The following PALS2 variants were observed in gnomAD, a reference collection of about 807,000 sequenced individuals.
PALS2 encodes the protein protein PALS2.
A neutral mutation model predicts 61.6 loss-of-function variants in PALS2; 27 were observed. That is an observed-to-expected ratio of 0.44 (90% CI 0.32 to 0.60). PALS2 has a LOEUF of 0.60. PALS2 is among the 20% of genes least tolerant of loss of function. PALS2 has a pLI of 0.05. For synonymous variants in PALS2, 236 were observed against 218.6 expected, an observed-to-expected ratio of 1.08 and a Z score of -0.70; for missense variants, 554 against 639.4, an observed-to-expected ratio of 0.87 and a Z score of 1.44.
chr7:24,605,598 C>T (rs1362519736), intron 1 of PALS2, among the ~76,000 whole-genome samples: 1 of 151,646 alleles, frequency 6.6e-6, no homozygotes, highest in Non-Finnish European at 1.5e-5. Flanking sequence ...TCTATAAAGA[C>T]ATAAAGAATA....
chr7:24,596,198 A>G lies in PALS2; in HGVS notation c.-3+22605A>G, dbSNP rs1783518239. Among the ~76,000 whole-genome samples, 1 of 152,086 alleles carries G rather than the reference A, an allele frequency of 6.6e-6. No homozygotes were observed. Among genetic ancestry groups the G allele is most frequent in the Admixed American group, 6.6e-5 (1 of 15,238 alleles). On this transcript the variant is annotated intron_variant, in intron 1 of 11. Coordinates refer to ENST00000222644, the MANE Select transcript of PALS2 (RefSeq NM_001303037.2). This position sits in a 1 kb window ranked among gnomAD's most constrained non-coding sequence, Gnocchi z 4.5. ...AGAATATTGTTGAGAACGAGAGTGA[A>G]GGTAAGGGAACTGGTCAAGTGACTA...
At chr7:24,595,761 G>C (rs1320421299) in intron 1 of PALS2, among the ~76,000 whole-genome samples, 1 of 150,834 alleles carries the variant, frequency 6.6e-6, no homozygotes, top group East Asian at 1.9e-4. Context: ...TGTATGTAAG[G>C]GTGGTAGCGT....
chr7:24,588,921 T>G (rs1478015423), intron 1 of PALS2, among the ~76,000 whole-genome samples: 1 of 152,204 alleles, frequency 6.6e-6, no homozygotes, highest in Non-Finnish European at 1.5e-5. Flanking sequence ...CCCACCTCCA[T>G]TTGATGTTGA....
intron 1 of PALS2, among the ~76,000 whole-genome samples, chr7:24,616,784 G>T (rs1256340797): frequency 6.6e-6 from 1 of 152,138 alleles, no homozygotes; most frequent in African/African-American, 2.4e-5. Context: ...GTGGTTCTCT[G>T]TAGTGATGTT....
At position 24,693,783 on chromosome 7, in the gene PALS2, T is replaced by A. The variant is rs985747847; in HGVS notation, c.*6169T>A. 1 of 152,206 alleles carries A rather than the reference T, an allele frequency of 6.6e-6. No homozygotes were observed. Among genetic ancestry groups the A allele is most frequent in the African/African-American group, 2.4e-5 (1 of 41,460 alleles). The allele number at this position is 152,206 out of a possible 1,614,324, so 9.4% of individuals were successfully genotyped here. A position where few individuals can be genotyped will look rare whatever the true frequency, so the allele number is the denominator to read the frequency against. ...TATGTTGGACTCTGTTGTAGAAGAA[T>A]GAGCACTAGTATTCAGCAACAAGTG... On this transcript the variant is annotated 3_prime_UTR_variant, in exon 12 of 12. Transcript: ENST00000222644.
At chr7:24,642,594 A>G (rs543768656) in intron 3 of PALS2, among the ~76,000 whole-genome samples, 39 of 152,308 alleles carry the variant, frequency 2.6e-4, no homozygotes, top group African/African-American at 7.2e-5. Flanking sequence ...GTGCTGGGAT[A>G]GAATAAAGTA....
At chr7:24,609,039 A>G (rs1053721402) in intron 1 of PALS2, among the ~76,000 whole-genome samples, 1 of 152,202 alleles carries the variant, frequency 6.6e-6, no homozygotes, top group Non-Finnish European at 1.5e-5. Context: ...ATCTCTCAGA[A>G]TGCTAACAAA....
Position 24,620,797 on chromosome 7 carries a change from A to G in PALS2, c.-2-2869A>G, listed in dbSNP as rs189713889. On this transcript the variant is annotated intron_variant, in intron 1 of 11. Coordinates refer to ENST00000222644, the MANE Select transcript of PALS2 (RefSeq NM_001303037.2). Reference sequence around the variant, plus strand: ...TGATCTTTGAGACATATACATTGAAATAGGATTTCTGGAATTTGCTTCAAA... The same window carrying G: ...TGATCTTTGAGACATATACATTGAAGTAGGATTTCTGGAATTTGCTTCAAA... Among the ~76,000 whole-genome samples, 81 of 152,268 alleles carry G rather than the reference A, an allele frequency of 5.3e-4. 1 individual carries two copies. The East Asian group carries it at 0.014, about 27-fold the overall frequency.
rs368766930 is a variant in PALS2, at chr7:24,688,414, C to G, written c.*800C>G. On this transcript the variant is annotated 3_prime_UTR_variant, in exon 12 of 12. Coordinates refer to ENST00000222644, the MANE Select transcript of PALS2 (RefSeq NM_001303037.2). ...GAGAGAGTGCCTTATCCTGTAAAACCTTACAGCAAAATGACACTTGAAGAA... is the reference window on the plus strand; with the variant it reads ...GAGAGAGTGCCTTATCCTGTAAAACGTTACAGCAAAATGACACTTGAAGAA... 1.3e-5 allele frequency: 2 copies of G among 152,138 alleles called. No homozygotes were observed. Among genetic ancestry groups the G allele is most frequent in the African/African-American group, 4.8e-5 (2 of 41,440 alleles). The allele number at this position is 152,138 out of a possible 1,614,324, so 9.4% of individuals were successfully genotyped here. A position where few individuals can be genotyped will look rare whatever the true frequency, so the allele number is the denominator to read the frequency against.
intron 5 of PALS2, among the ~76,000 whole-genome samples, chr7:24,659,390 A>T (rs73286290): frequency 0.076 from 11,641 of 152,188 alleles, 1,141 homozygotes; most frequent in African/African-American, 0.22. Context: ...GGGTCAAATG[A>T]TAGTTCCGTT....
At chr7:24,611,974 G>A (rs1242839119) in intron 1 of PALS2, among the ~76,000 whole-genome samples, 2 of 151,968 alleles carry the variant, frequency 1.3e-5, no homozygotes, top group African/African-American at 2.4e-5. Flanking sequence ...TCATTAGGGG[G>A]TGATGGAAAG....
intron 1 of PALS2, among the ~76,000 whole-genome samples, chr7:24,616,235 T>C (rs189522814): frequency 6.9e-4 from 105 of 152,112 alleles, no homozygotes; most frequent in Middle Eastern, 3.4e-3. Flanking sequence ...GCCATCCAAA[T>C]TGGAAAGGGA....
At chr7:24,632,238 CCT>C (rs1282005198) in intron 2 of PALS2, among the ~76,000 whole-genome samples, 1 of 152,028 alleles carries the variant, frequency 6.6e-6, no homozygotes, top group Non-Finnish European at 1.5e-5. Context: ...TGAAGTCTGC[CCT>C]GTCTGAAATT....
Position 24,687,754 on chromosome 7 carries a change from G to A in PALS2, c.*140G>A. 1 of 712,606 alleles carries A rather than the reference G, an allele frequency of 1.4e-6. No homozygotes were observed. The highest frequency in any genetic ancestry group is 3.0e-5 in the South Asian group (1 of 33,146). The allele number at this position is 712,606 out of a possible 1,614,324, so 44.1% of individuals were successfully genotyped here. ...TTTTATGGTGTAGATTGAAATAATA[G>A]TACACTTCTGAATTTTTATATAAAA... is the stretch of plus-strand genomic sequence containing the variant. On this transcript the variant is annotated 3_prime_UTR_variant, in exon 12 of 12. Coordinates refer to ENST00000222644, the MANE Select transcript of PALS2 (RefSeq NM_001303037.2). This position sits in a 1 kb window ranked among gnomAD's most constrained non-coding sequence, Gnocchi z 4.5.
intron 1 of PALS2, among the ~76,000 whole-genome samples, chr7:24,615,890 A>G (rs960009672): frequency 1.3e-5 from 2 of 152,124 alleles, no homozygotes; most frequent in African/African-American, 2.4e-5. Flanking sequence ...GGATGCAGCA[A>G]TGGTTCAATA....
At chr7:24,586,645 A>G (rs141786965) in intron 1 of PALS2, among the ~76,000 whole-genome samples, 1 of 152,334 alleles carries the variant, frequency 6.6e-6, no homozygotes, top group East Asian at 1.9e-4. Context: ...AGAAATTTAA[A>G]CATACCCAGA....
chr7:24,676,660 A>T (rs1297860629), intron 9 of PALS2, among the ~76,000 whole-genome samples: 2 of 151,666 alleles, frequency 1.3e-5, no homozygotes, highest in African/African-American at 2.4e-5. Flanking sequence ...TGTTTTTCTC[A>T]GGTTTGTCAA....
chr7:24,629,051 G>A (rs181987447), intron 2 of PALS2, among the ~76,000 whole-genome samples: 3 of 152,084 alleles, frequency 2.0e-5, no homozygotes, highest in Non-Finnish European at 4.4e-5. Context: ...TAAGCAAAAA[G>A]AACAAAGCTG....
chr7:24,603,547 C>A (rs936424367), intron 1 of PALS2, among the ~76,000 whole-genome samples: 1 of 152,170 alleles, frequency 6.6e-6, no homozygotes, highest in Non-Finnish European at 1.5e-5. Context: ...TGACAACTGG[C>A]TGCAACTTTG....
Sources: allele counts gnomAD v4.1 joint callset (sites outside exome capture counted in the v4.1 genomes callset), GRCh38; gene constraint gnomAD v4.1.1; non-coding constraint Gnocchi (gnomAD v3.1); transcripts MANE v1.5; gene names NCBI Gene and HGNC (gene_info 2026-07-23, HGNC 2026-07-21).